NTAQ1: variants seen among roughly 807,000 people sequenced by gnomAD.
The protein encoded by NTAQ1 is protein N-terminal glutamine amidohydrolase.
Under a neutral mutation model 28.2 loss-of-function variants are expected in NTAQ1, and 21 were observed. The observed-to-expected ratio is 0.74, with a 90% confidence interval of 0.53 to 1.07. The LOEUF (loss-of-function observed/expected upper bound fraction) is 1.07, where lower values mean the gene tolerates loss of function less well. NTAQ1 is among the 50% of genes least tolerant of loss of function. NTAQ1 has a pLI of 0.00. For synonymous variants in NTAQ1, 105 were observed against 90.0 expected (o/e 1.17, Z -0.94); for missense variants, 264 against 256.6 (o/e 1.03, Z -0.20).
At position 123,416,924 on chromosome 8, in the gene NTAQ1, C is replaced by G; in HGVS notation, c.75C>G (p.Ser25Arg). 1 of 1,507,808 alleles carries G rather than the reference C, an allele frequency of 6.6e-7. No homozygotes were observed. Among genetic ancestry groups the G allele is most frequent in the Non-Finnish European group, 8.9e-7 (1 of 1,128,124 alleles). The allele number at this position is 1,507,808 out of a possible 1,614,324, so 93.4% of individuals were successfully genotyped here. Residue 25 changes from serine (S) to arginine (R), a missense_variant, in exon 1 of 6, where the codon AGC becomes AGG. Ser to Arg is a moderately radical substitution (Grantham distance 110). Coordinates refer to ENST00000287387, the MANE Select transcript of NTAQ1 (RefSeq NM_018024.3). ...SPPRDACVYS[S>R]CYCEENIWKL... is the part of the protein sequence containing the mutation. ...CGCGGGACGCCTGCGTCTACAGCAG[C>G]TGCTACTGGTGAGGGGGCGCGGGCG...
At chr8:123,419,758 T>TCCCTCCCTCCCTCCCTC (rs1563879249) in intron 1 of NTAQ1, among the ~76,000 whole-genome samples, 2 of 22,910 alleles carry the variant, frequency 8.7e-5, no homozygotes, top group African/African-American at 2.9e-4. Context: ...CTCCCTCCCT[T>TCCCTCCCTCCCTCCCTC]CCTTCCTTCC....
At chr8:123,445,352 C>T (rs908934486), downstream of NTAQ1, among the ~76,000 whole-genome samples, 1 of 151,344 alleles carries the variant, frequency 6.6e-6, no homozygotes, top group African/African-American at 2.4e-5. Flanking sequence ...AAGAAAAATA[C>T]ATTTTACTTT....
downstream of NTAQ1, among the ~76,000 whole-genome samples, chr8:123,474,756 G>A (rs182842826): frequency 2.6e-5 from 4 of 152,204 alleles, no homozygotes; most frequent in East Asian, 7.7e-4. Flanking sequence ...AAGTGGTGGT[G>A]TGCGCCTATA....
Position 123,447,391 on chromosome 8 carries a change from T to TATC in NTAQ1, c.*83-656_*83-655insATC, listed in dbSNP as rs1464378931. Among the ~76,000 whole-genome samples the TATC allele has an allele frequency of 2.2e-4, 34 of 152,306 alleles. 1 individual carries two copies. The highest frequency in any genetic ancestry group is 4.1e-4 in the South Asian group (2 of 4,830). ...GTGATGGATAAATCTAATGTCCTTTTTGATAATCACCCTGGTTTTAAGAAT... is the reference window on the plus strand; with the variant it reads ...GTGATGGATAAATCTAATGTCCTTTTATCTGATAATCACCCTGGTTTTAAGAAT... On this transcript the variant is annotated intron_variant, in intron 6 of 6. Transcript: ENST00000524254.
chr8:123,432,456 A>T (rs1444180771), intron 3 of NTAQ1, among the ~76,000 whole-genome samples: 1 of 152,004 alleles, frequency 6.6e-6, no homozygotes, highest in Non-Finnish European at 1.5e-5. Context: ...CCTCATCAAC[A>T]TGGTGAAACC....
intron 6 of NTAQ1, among the ~76,000 whole-genome samples, chr8:123,460,643 C>G (rs1261984576): frequency 6.6e-6 from 1 of 152,198 alleles, no homozygotes; most frequent in Non-Finnish European, 1.5e-5. Flanking sequence ...AGGGTAAGCT[C>G]TTCAACATCA....
intron 4 of NTAQ1, 26 bp from the exon 5 acceptor site, chr8:123,437,184 G>A (rs1362720414): frequency 6.2e-7 from 1 of 1,612,580 alleles, no homozygotes; most frequent in Non-Finnish European, 8.5e-7. Context: ...TCTCCCTAAT[G>A]TGAGTGTATA....
intron 6 of NTAQ1, among the ~76,000 whole-genome samples, chr8:123,456,050 C>T (rs1032099638): frequency 1.3e-5 from 2 of 152,140 alleles, no homozygotes; most frequent in African/African-American, 4.8e-5. Context: ...ATTTTAAGAG[C>T]ATCTTTTTAG....
At chr8:123,436,714 C>A in intron 4 of NTAQ1, 113 bp downstream of exon 4, 1 of 1,119,558 alleles carries the variant, frequency 8.9e-7, no homozygotes. Context: ...CTGACATCAC[C>A]ATTGAGTTGA....
intron 3 of NTAQ1, among the ~76,000 whole-genome samples, chr8:123,431,293 C>T (rs10102861): frequency 0.19 from 27,615 of 147,348 alleles, 2,958 homozygotes; most frequent in Non-Finnish European, 0.25. Flanking sequence ...GCTGAGGTGA[C>T]GCCATTGCAT....
At chr8:123,428,108 A>G in intron 2 of NTAQ1, 85 bp downstream of exon 2, 3 of 927,442 alleles carry the variant, frequency 3.2e-6, no homozygotes, top group Non-Finnish European at 4.9e-6. Flanking sequence ...AGCTAAATAT[A>G]GCATGGGTGT....
chr8:123,444,055 CT>C (rs398068230), downstream of NTAQ1, among the ~76,000 whole-genome samples: 105 of 132,788 alleles, frequency 7.9e-4, no homozygotes, highest in Admixed American at 9.0e-4. Context: ...TAAACTTTTT[CT>C]TTTTTTTTTT....
At chr8:123,472,191 T>TA (rs1346359070), downstream of NTAQ1, among the ~76,000 whole-genome samples, 1 of 152,154 alleles carries the variant, frequency 6.6e-6, no homozygotes, top group Non-Finnish European at 1.5e-5. Flanking sequence ...CAAACAGTGC[T>TA]AAAAAATATC....
At chr8:123,434,548 C>A (rs1335804891) in intron 3 of NTAQ1, among the ~76,000 whole-genome samples, 1 of 152,072 alleles carries the variant, frequency 6.6e-6, no homozygotes, top group East Asian at 1.9e-4. Context: ...TCACTCGAAC[C>A]CCGGAGGTGG....
At chr8:123,469,728 A>T (rs1816023316) in exon 7 of NTAQ1, among the ~76,000 whole-genome samples, 1 of 152,232 alleles carries the variant, frequency 6.6e-6, no homozygotes, top group Non-Finnish European at 1.5e-5. Context: ...TTACTAATTC[A>T]TTCACCAAAA....
intron 3 of NTAQ1, among the ~76,000 whole-genome samples, chr8:123,430,404 G>T (rs975955604): frequency 6.6e-6 from 1 of 152,190 alleles, no homozygotes; most frequent in Non-Finnish European, 1.5e-5. Flanking sequence ...CAGTTTGGGA[G>T]GCCAAGGTGG....
chr8:123,432,802 T>C lies in NTAQ1; in HGVS notation c.234+2769T>C, dbSNP rs112248471. Among the ~76,000 whole-genome samples the C allele has an allele frequency of 3.3e-3, 505 of 151,956 alleles. 7 individuals are homozygous for C. Among genetic ancestry groups the C allele is most frequent in the African/African-American group, 0.012 (484 of 41,494 alleles). ...TTTAAGCAATTCCTCTGCCTCAGCC[T>C]CCCGAGTAGCTGGAATTACAGGCAT... On this transcript the variant is annotated intron_variant, in intron 3 of 5. Coordinates refer to ENST00000287387, the MANE Select transcript of NTAQ1 (RefSeq NM_018024.3).
At chr8:123,465,722 C>T (rs1815945643) in intron 6 of NTAQ1, among the ~76,000 whole-genome samples, 1 of 151,572 alleles carries the variant, frequency 6.6e-6, no homozygotes, top group African/African-American at 2.4e-5. Context: ...GCTGGGATTA[C>T]AGGCGCCCGC....
intron 6 of NTAQ1, among the ~76,000 whole-genome samples, chr8:123,464,071 G>A (rs1815904278): frequency 1.3e-5 from 2 of 152,152 alleles, no homozygotes; most frequent in African/African-American, 4.8e-5. Flanking sequence ...CACCATGATT[G>A]TGAGGCCTCC....
Sources: allele counts gnomAD v4.1 joint callset (sites outside exome capture counted in the v4.1 genomes callset), GRCh38; gene constraint gnomAD v4.1.1; transcripts MANE v1.5; gene names NCBI Gene and HGNC (gene_info 2026-07-23, HGNC 2026-07-21).